The following ANKS1B variants were observed in gnomAD, a reference collection of about 807,000 sequenced individuals.
ANKS1B encodes the protein ankyrin repeat and sterile alpha motif domain containing 1B.
A neutral mutation model predicts 148.3 loss-of-function variants in ANKS1B; 36 were observed. The observed-to-expected ratio is 0.24, with a 90% CI of 0.19 to 0.32. The LOEUF is 0.32. ANKS1B is among the 10% of genes least tolerant of loss of function. ANKS1B has a pLI of 1.00. For synonymous variants in ANKS1B, 542 were observed against 560.8 expected (o/e 0.97, Z 0.47); for missense variants, 1,157 against 1,542.6 (o/e 0.75, Z 4.19).
intron 17 of ANKS1B, among the ~76,000 whole-genome samples, chr12:98,858,804 C>T (rs1567229423): frequency 6.6e-6 from 1 of 152,142 alleles, no homozygotes; most frequent in Non-Finnish European, 1.5e-5. Flanking sequence ...CTGTGATGTC[C>T]AATGTATGCT....
At chr12:99,704,748 T>C (rs2055448846) in intron 8 of ANKS1B, among the ~76,000 whole-genome samples, 1 of 152,116 alleles carries the variant, frequency 6.6e-6, no homozygotes, top group Non-Finnish European at 1.5e-5. Context: ...ATAATAGTTC[T>C]CTAGCTAAAT....
chr12:99,117,320 A>T (rs555077161), intron 15 of ANKS1B, among the ~76,000 whole-genome samples: 1 of 152,296 alleles, frequency 6.6e-6, no homozygotes, highest in African/African-American at 2.4e-5. Context: ...ATTCAGTATG[A>T]TATGGGCTGT....
intron 10 of ANKS1B, among the ~76,000 whole-genome samples, chr12:99,449,917 ATCTAT>A (rs1567123052): frequency 6.6e-6 from 1 of 151,660 alleles, no homozygotes; most frequent in Non-Finnish European, 1.5e-5. Flanking sequence ...CTATCTATCT[ATCTAT>A]CTATCTATCT....
At chr12:99,588,947 T>G (rs1180970778) in intron 9 of ANKS1B, among the ~76,000 whole-genome samples, 6 of 152,226 alleles carry the variant, frequency 3.9e-5, no homozygotes, top group Non-Finnish European at 7.4e-5. Context: ...TTAAATAACC[T>G]ATCAGATAAA....
chr12:98,853,374 T>G (rs1015527899), intron 17 of ANKS1B, among the ~76,000 whole-genome samples: 4 of 152,220 alleles, frequency 2.6e-5, no homozygotes, highest in Non-Finnish European at 5.9e-5. Flanking sequence ...CTCCTTGTTC[T>G]GCAAAGCCTC....
At chr12:99,126,673 G>A (rs968946379) in intron 15 of ANKS1B, among the ~76,000 whole-genome samples, 2 of 152,104 alleles carry the variant, frequency 1.3e-5, no homozygotes, top group Non-Finnish European at 2.9e-5. Context: ...ACGCCAGTTC[G>A]ACATTTATTT....
At chr12:99,440,477 T>C (rs528704988) in intron 11 of ANKS1B, among the ~76,000 whole-genome samples, 21 of 151,858 alleles carry the variant, frequency 1.4e-4, no homozygotes, top group Middle Eastern at 3.4e-3. Flanking sequence ...TGGGTTAATA[T>C]ACTGGAGAGA....
chr12:98,985,201 C>G (rs2099922556), intron 17 of ANKS1B, among the ~76,000 whole-genome samples: 2 of 152,166 alleles, frequency 1.3e-5, no homozygotes, highest in African/African-American at 4.8e-5. Context: ...CAGCCTCAAC[C>G]TCTTGGGCTC....
intron 12 of ANKS1B, among the ~76,000 whole-genome samples, chr12:99,342,205 AAG>A (rs1279473931): frequency 3.9e-5 from 6 of 152,114 alleles, no homozygotes; most frequent in Non-Finnish European, 5.9e-5. Flanking sequence ...ATATGAAAAT[AAG>A]AGAGCATTTA....
At chr12:99,637,864 TAAAG>T (rs1470477475) in intron 9 of ANKS1B, among the ~76,000 whole-genome samples, 2 of 149,100 alleles carry the variant, frequency 1.3e-5, no homozygotes, top group African/African-American at 5.0e-5. Context: ...GAGAGAGACA[TAAAG>T]AGAGAAAAAA....
intron 8 of ANKS1B, among the ~76,000 whole-genome samples, chr12:99,664,082 T>C (rs2098492658): frequency 6.6e-6 from 1 of 152,074 alleles, no homozygotes; most frequent in Non-Finnish European, 1.5e-5. Flanking sequence ...TCTAAACTGA[T>C]GCCAATTTTA....
At chr12:99,652,933 G>A (rs2153440548) in intron 9 of ANKS1B, among the ~76,000 whole-genome samples, 1 of 152,234 alleles carries the variant, frequency 6.6e-6, no homozygotes, top group East Asian at 1.9e-4. Flanking sequence ...TGAATTAAAT[G>A]AAAAATAGGA....
intron 9 of ANKS1B, among the ~76,000 whole-genome samples, chr12:99,541,227 TA>T (rs930966661): frequency 5.9e-5 from 9 of 151,854 alleles, no homozygotes; most frequent in African/African-American, 1.9e-4. Flanking sequence ...AATGCTTCTT[TA>T]AAAAAAACAA....
intron 12 of ANKS1B, among the ~76,000 whole-genome samples, chr12:99,291,517 A>T (rs1383276805): frequency 6.6e-6 from 1 of 152,200 alleles, no homozygotes; most frequent in Non-Finnish European, 1.5e-5. Flanking sequence ...TGTAACAAAA[A>T]CAGCATGGTT....
intron 9 of ANKS1B, among the ~76,000 whole-genome samples, chr12:99,590,586 CCTAAAATAA>C (rs552652188): frequency 6.2e-4 from 94 of 152,132 alleles, no homozygotes; most frequent in Middle Eastern, 3.4e-3. Flanking sequence ...AGCAGGAGGG[CCTAAAATAA>C]CTCAGGAGGT....
At chr12:99,598,894 C>G (rs985375262) in intron 9 of ANKS1B, among the ~76,000 whole-genome samples, 15 of 152,060 alleles carry the variant, frequency 9.9e-5, no homozygotes, top group African/African-American at 2.4e-5. Flanking sequence ...AGTCTGAAAT[C>G]AATATCGCTG....
intron 9 of ANKS1B, among the ~76,000 whole-genome samples, chr12:99,566,082 G>T (rs1053828020): frequency 2.2e-4 from 33 of 152,082 alleles, no homozygotes; most frequent in Non-Finnish European, 3.5e-4. Flanking sequence ...CCATACTTTT[G>T]AGTATGGCTA....
At chr12:99,079,220 A>G (rs2048847272) in intron 16 of ANKS1B, among the ~76,000 whole-genome samples, 1 of 152,192 alleles carries the variant, frequency 6.6e-6, no homozygotes, top group East Asian at 1.9e-4. Context: ...GAGATAATAA[A>G]TGTTGTTATA....
chr12:99,680,838 G>A (rs2098610197), intron 8 of ANKS1B, among the ~76,000 whole-genome samples: 1 of 152,076 alleles, frequency 6.6e-6, no homozygotes, highest in South Asian at 2.1e-4. Context: ...AGCCTTACTG[G>A]CTGCATGGGA....
Sources: gnomAD v4.1 joint callset for allele counts (sites outside exome capture counted in the v4.1 genomes callset) on GRCh38, gnomAD v4.1.1 for gene constraint, MANE v1.5 for transcripts, NCBI Gene and HGNC (gene_info 2026-07-23, HGNC 2026-07-21) for gene names.